The following CCSER1 variants were observed in gnomAD, a reference collection of about 807,000 sequenced individuals.
CCSER1 encodes the protein serine-rich coiled-coil domain-containing protein 1.
Under a neutral mutation model 82.0 loss-of-function variants are expected in CCSER1, and 41 were observed. That is an observed-to-expected ratio of 0.50 (90% CI 0.39 to 0.65). CCSER1 has a LOEUF of 0.65. Ranked by LOEUF, CCSER1 falls within the 30% of genes least tolerant of loss-of-function variation. The probability of loss-of-function intolerance (pLI) is 0.00; values close to 1 mark genes in which losing one functional copy is unlikely to be tolerated. For missense variants in CCSER1, 1,119 were observed against 1,064.2 expected, an observed-to-expected ratio of 1.05 and a Z score of -0.72; for synonymous variants, 414 against 383.9, an observed-to-expected ratio of 1.08 and a Z score of -0.92.
intron 10 of CCSER1, among the ~76,000 whole-genome samples, chr4:91,337,561 T>G (rs1227090012): frequency 6.6e-6 from 1 of 152,112 alleles, no homozygotes; most frequent in Non-Finnish European, 1.5e-5. Flanking sequence ...CCTTAATGAC[T>G]GTGACCTGTT....
chr4:90,160,761 C>G (rs1729290228), intron 1 of CCSER1, among the ~76,000 whole-genome samples: 1 of 151,982 alleles, frequency 6.6e-6, no homozygotes, highest in African/African-American at 2.4e-5. Flanking sequence ...GAATGTAGAC[C>G]TCTAGAGGAA....
intron 6 of CCSER1, among the ~76,000 whole-genome samples, chr4:90,671,415 C>G (rs73833750): frequency 0.012 from 1,887 of 152,160 alleles, 38 homozygotes; most frequent in African/African-American, 0.043. Context: ...ACAGTGTTCA[C>G]AGCATCTTCA....
chr4:90,739,303 G>A (rs969883220), intron 7 of CCSER1, among the ~76,000 whole-genome samples: 3 of 152,214 alleles, frequency 2.0e-5, no homozygotes, highest in Non-Finnish European at 4.4e-5. Context: ...GTCTCTGCCT[G>A]TTGCCCTATT....
intron 1 of CCSER1, among the ~76,000 whole-genome samples, chr4:90,163,210 A>T (rs1458370472): frequency 1.3e-5 from 2 of 152,120 alleles, no homozygotes; most frequent in Non-Finnish European, 2.9e-5. Context: ...AAATTTAAGC[A>T]TTGCATTGTT....
intron 7 of CCSER1, among the ~76,000 whole-genome samples, chr4:90,751,893 C>T (rs952203726): frequency 5.9e-5 from 9 of 151,886 alleles, no homozygotes; most frequent in Non-Finnish European, 8.8e-5. Context: ...TGTTTTAAAA[C>T]CTTTTAAGTT....
intron 1 of CCSER1, among the ~76,000 whole-genome samples, chr4:90,212,171 C>T (rs1361617873): frequency 6.6e-6 from 1 of 152,118 alleles, no homozygotes; most frequent in Non-Finnish European, 1.5e-5. Context: ...CAATAAGATT[C>T]CCAAATATTC....
intron 8 of CCSER1, among the ~76,000 whole-genome samples, chr4:90,916,585 A>G (rs958310282): frequency 6.6e-6 from 1 of 152,198 alleles, no homozygotes; most frequent in Non-Finnish European, 1.5e-5. Flanking sequence ...AGGCAATACC[A>G]TTCAGGACAT....
chr4:90,437,229 ACACACACG>A (rs1192672251), intron 4 of CCSER1, among the ~76,000 whole-genome samples: 1 of 152,096 alleles, frequency 6.6e-6, no homozygotes, highest in African/African-American at 2.4e-5. Context: ...TATAATTAAA[ACACACACG>A]CACACATGCA....
At chr4:90,230,821 C>A (rs1744363411) in intron 1 of CCSER1, among the ~76,000 whole-genome samples, 1 of 152,040 alleles carries the variant, frequency 6.6e-6, no homozygotes, top group African/African-American at 2.4e-5. Context: ...ATACAAACTA[C>A]CATCAGAGAA....
chr4:91,087,311 C>A (rs189554966), intron 10 of CCSER1, among the ~76,000 whole-genome samples: 1 of 152,036 alleles, frequency 6.6e-6, no homozygotes, highest in Non-Finnish European at 1.5e-5. Context: ...AAACTGAAAT[C>A]TATATATCCG....
At chr4:90,710,911 A>G (rs1740480008) in intron 6 of CCSER1, among the ~76,000 whole-genome samples, 1 of 151,992 alleles carries the variant, frequency 6.6e-6, no homozygotes, top group African/African-American at 2.4e-5. Context: ...TGTATAAACT[A>G]CTTTTGGGAA....
intron 10 of CCSER1, among the ~76,000 whole-genome samples, chr4:91,199,918 G>A (rs1735768883): frequency 6.6e-6 from 1 of 151,766 alleles, no homozygotes; most frequent in Non-Finnish European, 1.5e-5. Context: ...ATCTTAAAAA[G>A]CTGCTACATA....
At chr4:90,310,869 C>T (rs1360155889) in intron 2 of CCSER1, among the ~76,000 whole-genome samples, 1 of 151,932 alleles carries the variant, frequency 6.6e-6, no homozygotes. Context: ...GTTAATTTTC[C>T]AGCTGTCTTA....
intron 10 of CCSER1, among the ~76,000 whole-genome samples, chr4:91,417,266 T>C (rs962359271): frequency 2.6e-5 from 4 of 152,140 alleles, no homozygotes; most frequent in African/African-American, 7.2e-5. Flanking sequence ...AGTTCAACCA[T>C]TGTGGATACA....
intron 10 of CCSER1, among the ~76,000 whole-genome samples, chr4:91,581,749 A>G (rs763589394): frequency 2.0e-5 from 3 of 151,636 alleles, no homozygotes; most frequent in Admixed American, 6.6e-5. Flanking sequence ...GAGTTTCTCA[A>G]CATTAGCACT....
chr4:91,171,803 G>A (rs1254751211), intron 10 of CCSER1, among the ~76,000 whole-genome samples: 2 of 151,956 alleles, frequency 1.3e-5, no homozygotes, highest in Admixed American at 6.6e-5. Context: ...TAATTATTTT[G>A]TTAACCTATG....
At chr4:91,411,526 A>AT (rs70965492) in intron 10 of CCSER1, among the ~76,000 whole-genome samples, 125 of 129,578 alleles carry the variant, frequency 9.6e-4, no homozygotes, top group African/African-American at 1.4e-3. Flanking sequence ...ATATATATAT[A>AT]AAATCTTGAC....
chr4:90,233,210 C>G (rs1291428541), intron 1 of CCSER1, among the ~76,000 whole-genome samples: 4 of 152,194 alleles, frequency 2.6e-5, no homozygotes, highest in Admixed American at 2.0e-4. Context: ...ATAGCAAAGA[C>G]TTGGAACCAA....
chr4:90,576,195 A>G (rs957141318), intron 5 of CCSER1, among the ~76,000 whole-genome samples: 1 of 151,976 alleles, frequency 6.6e-6, no homozygotes, highest in Non-Finnish European at 1.5e-5. Context: ...AATATTTACT[A>G]ATGGCTTTTT....
Sources: allele counts gnomAD v4.1 joint callset (sites outside exome capture counted in the v4.1 genomes callset), GRCh38; gene constraint gnomAD v4.1.1; transcripts MANE v1.5; gene names NCBI Gene and HGNC (gene_info 2026-07-23, HGNC 2026-07-21).